Variants in BPIFB3 observed in about 807,000 individuals in gnomAD.
The protein encoded by BPIFB3 is BPI fold-containing family B member 3.
In BPIFB3, 49 loss-of-function variants were observed where a neutral mutation model predicts 53.1. The observed-to-expected ratio is 0.92, with a 90% confidence interval of 0.73 to 1.17. The LOEUF (loss-of-function observed/expected upper bound fraction) is 1.17, where lower values mean the gene tolerates loss of function less well. Among genes scored for constraint, BPIFB3 ranks in the 50% most tolerant of loss-of-function variants. The probability of loss-of-function intolerance (pLI) is 0.00; values close to 1 mark genes in which losing one functional copy is unlikely to be tolerated. For synonymous variants in BPIFB3, 271 were observed against 269.6 expected, an observed-to-expected ratio of 1.01 and a Z score of -0.05; for missense variants, 628 against 592.5, an observed-to-expected ratio of 1.06 and a Z score of -0.62.
At chr20:33,073,633 T>C, downstream of BPIFB3, 1 of 1,613,428 alleles carries the variant, frequency 6.2e-7, no homozygotes, top group Admixed American at 1.7e-5. Flanking sequence ...CAGCCTTCCC[T>C]GTTGACTACT....
At chr20:33,060,116 G>A (rs1980389974) in intron 4 of BPIFB3, 85 bp downstream of exon 5, 3 of 1,538,076 alleles carry the variant, frequency 2.0e-6, no homozygotes, top group Non-Finnish European at 2.6e-6. Flanking sequence ...TCTCCCTGGA[G>A]CTGCCAGCTG....
chr20:33,065,720 TGAC>T (rs1980644178), intron 8 of BPIFB3, among the ~76,000 whole-genome samples: 1 of 152,212 alleles, frequency 6.6e-6, no homozygotes, highest in East Asian at 1.9e-4. Flanking sequence ...CTGGCCCCTC[TGAC>T]ATCCTGGAAA....
intron 1 of BPIFB3, among the ~76,000 whole-genome samples, chr20:33,055,834 G>A (rs1055908180): frequency 2.6e-5 from 4 of 152,194 alleles, no homozygotes; most frequent in East Asian, 3.9e-4. Context: ...TGAAGAGGTC[G>A]AGGGGAGGGT....
intron 12 of BPIFB3, 77 bp from the exon 14 acceptor site, chr20:33,072,027 C>A: frequency 6.7e-7 from 1 of 1,503,452 alleles, no homozygotes; most frequent in African/African-American, 1.4e-5. Context: ...GGTTTCTCTC[C>A]CTGGGAACGG....
intron 2 of BPIFB3, among the ~76,000 whole-genome samples, chr20:33,058,764 C>T (rs903984338): frequency 1.9e-4 from 29 of 151,852 alleles, no homozygotes; most frequent in Non-Finnish European, 3.4e-4. Flanking sequence ...GTGGGATAGG[C>T]GCTCAGAGGG....
At chr20:33,070,014 G>A (rs1260282009) in intron 11 of BPIFB3, 59 bp downstream of exon 12, 3 of 1,574,462 alleles carry the variant, frequency 1.9e-6, no homozygotes, top group Non-Finnish European at 2.6e-6. Flanking sequence ...AGAATTAGGG[G>A]CTGACAGGAT....
At chr20:33,066,611 A>G (rs1428629357) in intron 8 of BPIFB3, among the ~76,000 whole-genome samples, 1 of 152,230 alleles carries the variant, frequency 6.6e-6, no homozygotes, top group Non-Finnish European at 1.5e-5. Flanking sequence ...AGGTGAAATG[A>G]GCAAAGGCGT....
chr20:33,060,052 C>A, intron 4 of BPIFB3, 21 bp downstream of exon 5: 1 of 1,612,146 alleles, frequency 6.2e-7, no homozygotes, highest in Non-Finnish European at 8.5e-7. Flanking sequence ...AGGTTCCAGC[C>A]TGCAACCCTG....
chr20:33,072,678 A>C, intron 13 of BPIFB3, 39 bp from the exon 15 acceptor site: 1 of 1,572,332 alleles, frequency 6.4e-7, no homozygotes, highest in South Asian at 1.1e-5. Context: ...AGAGCTCCCC[A>C]CCAATGTACC....
chr20:33,059,535 C>T (rs1980356451), intron 3 of BPIFB3, 53 bp downstream of exon 4: 2 of 1,337,892 alleles, frequency 1.5e-6, no homozygotes, highest in South Asian at 1.2e-5. Flanking sequence ...CACCCCCTGA[C>T]CTGTTGGAGA....
In BPIFB3 at chr20:33,060,202, C is replaced by T. The variant is rs563010244; in HGVS notation, c.527+171C>T. On this transcript the variant is annotated intron_variant, in intron 4 of 14. Transcript: ENST00000375494. ...CTTCACAGACCGACAGATTGAGTCCCACCACTGACAGGGACTCCGGCTTAA... is the reference window on the plus strand; with the variant it reads ...CTTCACAGACCGACAGATTGAGTCCTACCACTGACAGGGACTCCGGCTTAA... Among the ~76,000 whole-genome samples the T allele has an allele frequency of 3.9e-5, 6 of 152,304 alleles. No individual in the cohort carries two copies. The South Asian group carries it at 8.3e-4, about 21-fold the overall frequency.
chr20:33,062,463 G>A (rs1420983157), intron 5 of BPIFB3, among the ~76,000 whole-genome samples: 1 of 152,160 alleles, frequency 6.6e-6, no homozygotes, highest in Non-Finnish European at 1.5e-5. Context: ...GGGAGCCTAG[G>A]GTTGGCAAAA....
chr20:33,065,822 G>A (rs891733351), intron 8 of BPIFB3, among the ~76,000 whole-genome samples: 8 of 152,178 alleles, frequency 5.3e-5, no homozygotes, highest in African/African-American at 1.9e-4. Context: ...GGAAACAGGG[G>A]TTGGTCACTC....
exon 12 of BPIFB3, chr20:33,071,288 C>T: frequency 6.4e-7 from 1 of 1,563,626 alleles, no homozygotes; most frequent in Non-Finnish European, 8.7e-7. Context: ...TTTACCCATG[C>T]CTTTGACGTA....
chr20:33,065,342 C>T (rs1484111019), intron 8 of BPIFB3, among the ~76,000 whole-genome samples: 1 of 151,902 alleles, frequency 6.6e-6, no homozygotes, highest in Non-Finnish European at 1.5e-5. Context: ...GACACCCCAT[C>T]TCTACAAAAA....
rs146768085 is a variant in BPIFB3 at position 33,055,635 on chromosome 20, A to G, written c.124+88A>G. 2.4e-5 allele frequency: 38 copies of G among 1,574,800 alleles called. No individual in the cohort carries two copies. The East Asian group carries it at 7.7e-4, about 32-fold the overall frequency. ...CTTAGAGCATCTGCTTTAAGAGCAG[A>G]TAAGAGCAGGTTGTGATTCTCAGCT... is the stretch of plus-strand genomic sequence containing the variant. On this transcript the variant is annotated intron_variant, in intron 1 of 14. Coordinates refer to ENST00000375494, the Ensembl canonical transcript of BPIFB3.
At chr20:33,071,024 C>T (rs1310995516) in intron 11 of BPIFB3, among the ~76,000 whole-genome samples, 4 of 152,104 alleles carry the variant, frequency 2.6e-5, no homozygotes, top group African/African-American at 9.7e-5. Context: ...CAGACAAAGG[C>T]GCCAAGGCCA....
In BPIFB3 at chr20:33,061,859, G is replaced by T. The variant is rs746857109; in HGVS notation, c.591+28G>T. On this transcript the variant is annotated intron_variant, in intron 5 of 14. Transcript: ENST00000375494. ...GAGTGTGCGGGCCGTGTGCCAGCAT[G>T]CCCTCTCCCAGGACTGGGCCTCTTT... The T allele has an allele frequency of 6.2e-6, 10 of 1,612,430 alleles. No homozygotes were observed. In the East Asian group the frequency reaches 1.8e-4, roughly 29 times the overall value.
At chr20:33,063,776 C>T (rs1980549677) in intron 6 of BPIFB3, 101 bp downstream of exon 7, 6 of 1,273,296 alleles carry the variant, frequency 4.7e-6, no homozygotes, top group African/African-American at 3.0e-5. Context: ...GGCAGGATCT[C>T]AGGGTCCTTT....
Sources: gnomAD v4.1 joint callset for allele counts (sites outside exome capture counted in the v4.1 genomes callset) on GRCh38, gnomAD v4.1.1 for gene constraint, MANE v1.5 for transcripts, NCBI Gene and HGNC (gene_info 2026-07-23, HGNC 2026-07-21) for gene names.